The following CD84 variants were observed in gnomAD, a reference collection of about 807,000 sequenced individuals.
The protein encoded by CD84 is CD84 molecule, also known as SLAM family member 5.
CD84 carries 22 observed loss-of-function variants against 33.8 expected under a neutral mutation model. The ratio of observed to expected loss-of-function variants is 0.65; its 90% confidence interval spans 0.46 to 0.93. CD84 has a LOEUF of 0.93. Ranked by LOEUF, CD84 falls within the 40% of genes least tolerant of loss-of-function variation. The pLI is 0.00. For synonymous variants in CD84, 154 were observed against 145.2 expected, an observed-to-expected ratio of 1.06 and a Z score of -0.44; for missense variants, 400 against 397.6, an observed-to-expected ratio of 1.01 and a Z score of -0.05.
Position 160,549,980 on chromosome 1 carries a change from C to G in CD84, c.859-1G>C. ...CTGGCTCTTCCTTGGAGGGAAGCAC[C>G]TGTAAAACACACATCTTCCCCTCAG... On this transcript the variant is annotated splice_acceptor_variant, in intron 5 of 6. Coordinates refer to ENST00000368054, the MANE Select transcript of CD84 (RefSeq NM_003874.4). LOFTEE classifies it high-confidence loss of function. 6.2e-7 allele frequency: 1 copy of G among 1,606,338 alleles called. No homozygotes were observed. The highest frequency in any genetic ancestry group is 8.5e-7 in the Non-Finnish European group (1 of 1,173,262).
chr1:160,542,668 G>C lies in CD84; in HGVS notation c.*5588C>G, dbSNP rs987164762. 6.6e-6 allele frequency: 1 copy of C among 152,138 alleles called. No homozygotes were observed. Among genetic ancestry groups the C allele is most frequent in the Admixed American group, 6.5e-5 (1 of 15,280 alleles). The allele number at this position is 152,138 out of a possible 1,614,324, so 9.4% of individuals were successfully genotyped here. ...ATCCCAAACCCAGAGACTTGTACAG[G>C]GCTGTTGAGAACTGTCTGGGCAATC... On this transcript the variant is annotated 3_prime_UTR_variant, in exon 7 of 7. Transcript: ENST00000368054.
chr1:160,572,237 C>T (rs1657736864), intron 1 of CD84, among the ~76,000 whole-genome samples: 1 of 152,014 alleles, frequency 6.6e-6, no homozygotes, highest in African/African-American at 2.4e-5. Context: ...GCTTAATACA[C>T]AGTGGACATT....
rs1227465220 is a variant in CD84 at position 160,542,421 on chromosome 1, A to C, written c.*5835T>G. The C allele has an allele frequency of 2.6e-5, 4 of 152,226 alleles. No homozygotes were observed. The highest frequency in any genetic ancestry group is 5.9e-5 in the Non-Finnish European group (4 of 68,038). The allele number at this position is 152,226 out of a possible 1,614,324, so 9.4% of individuals were successfully genotyped here. A position where few individuals can be genotyped will look rare whatever the true frequency, so the allele number is the denominator to read the frequency against. On this transcript the variant is annotated 3_prime_UTR_variant, in exon 7 of 7. Coordinates refer to ENST00000368054, the MANE Select transcript of CD84 (RefSeq NM_003874.4). ...GAGGTCAGAAACAGACCTGTGAGTT[A>C]GATTTTGGACACGCTAAACTTGAGG...
At chr1:160,572,874 A>G (rs1176409965) in intron 1 of CD84, among the ~76,000 whole-genome samples, 1 of 152,180 alleles carries the variant, frequency 6.6e-6, no homozygotes, top group African/African-American at 2.4e-5. Context: ...TATGGCAAAG[A>G]GGGAGCCCAG....
chr1:160,541,392 C>T lies in CD84; in HGVS notation c.*6864G>A, dbSNP rs1338604299. 6.6e-6 allele frequency: 1 copy of T among 152,076 alleles called. No homozygotes were observed. Among genetic ancestry groups the T allele is most frequent in the African/African-American group, 2.4e-5 (1 of 41,410 alleles). 9.4% of individuals were successfully genotyped at this position (152,076 alleles called of 1,614,324 possible). A position where few individuals can be genotyped will look rare whatever the true frequency, so the allele number is the denominator to read the frequency against. On this transcript the variant is annotated 3_prime_UTR_variant, in exon 7 of 7. Transcript: ENST00000368054. ...GGAACTGAGGCACTCAGACACAAAACACAAAATTAGGCACTCAGACAAAAA... is the reference window on the plus strand; with the variant it reads ...GGAACTGAGGCACTCAGACACAAAATACAAAATTAGGCACTCAGACAAAAA...
Position 160,550,038 on chromosome 1 carries a change from T to C in CD84, c.859-59A>G. 3 of 1,161,088 alleles carry C rather than the reference T, an allele frequency of 2.6e-6. No individual in the cohort carries two copies. In the East Asian group the frequency reaches 7.0e-5, roughly 27 times the overall value. 71.9% of individuals were successfully genotyped at this position (1,161,088 alleles called of 1,614,324 possible). A position where few individuals can be genotyped will look rare whatever the true frequency, so the allele number is the denominator to read the frequency against. ...GCCCAGGCCCATCTACAAGTCCCCT[T>C]TCCTAATTCTGCCTCTACCCACCAT... On this transcript the variant is annotated intron_variant, in intron 5 of 6. Transcript: ENST00000368054.
chr1:160,566,670 A>C (rs2102184419), intron 1 of CD84, among the ~76,000 whole-genome samples: 1 of 152,324 alleles, frequency 6.6e-6, no homozygotes, highest in East Asian at 1.9e-4. Context: ...ACCAATGTTG[A>C]TCAGATAACC....
At chr1:160,569,153 T>C (rs775055944) in intron 1 of CD84, among the ~76,000 whole-genome samples, 6 of 152,228 alleles carry the variant, frequency 3.9e-5, no homozygotes, top group Non-Finnish European at 5.9e-5. Flanking sequence ...TATGATGGCG[T>C]TGGTGATGCC....
At chr1:160,572,793 G>T (rs866316205) in intron 1 of CD84, among the ~76,000 whole-genome samples, 4 of 152,154 alleles carry the variant, frequency 2.6e-5, no homozygotes, top group African/African-American at 9.7e-5. Flanking sequence ...AGAAGCAAAG[G>T]CAAGAAAAGG....
intron 1 of CD84, among the ~76,000 whole-genome samples, chr1:160,577,223 T>G (rs746222562): frequency 1.4e-4 from 22 of 152,190 alleles, no homozygotes; most frequent in Non-Finnish European, 2.8e-4. Flanking sequence ...GATTTCTCCC[T>G]GCATCTCTCC....
At chr1:160,548,403 T>C (rs1481971597) in intron 6 of CD84, 82 bp from the exon 7 acceptor site, 80 of 1,420,276 alleles carry the variant, frequency 5.6e-5, no homozygotes, top group Middle Eastern at 1.8e-4. Flanking sequence ...CCAGAGGAGT[T>C]AAGCAAATGG....
In CD84 at chr1:160,565,614, C is replaced by G; in HGVS notation, c.178G>C (p.Val60Leu). ...KIIAWTSKTSVAYVTPGDSET... is the reference protein window; with the variant it reads ...KIIAWTSKTSLAYVTPGDSET... ...GAGTCTCCTGGTGTTACATAAGCAA[C>G]AGATGTTTTAGAAGTCCAAGCAATG... The change falls in exon 2 of 7, where the codon GTT becomes CTT. Residue 60 changes from valine (V) to leucine (L), a missense_variant. By Grantham distance (32) the Val-to-Leu change is conservative. Coordinates refer to ENST00000368054, the MANE Select transcript of CD84 (RefSeq NM_003874.4). 1.2e-6 allele frequency: 2 copies of G among 1,613,970 alleles called. No individual in the cohort carries two copies. The highest frequency in any genetic ancestry group is 1.7e-6 in the Non-Finnish European group (2 of 1,179,898).
Position 160,549,991 on chromosome 1 carries a change from A to C in CD84, c.859-12T>G. On this transcript the variant is annotated splice_polypyrimidine_tract_variant and intron_variant, in intron 5 of 6. Coordinates refer to ENST00000368054, the MANE Select transcript of CD84 (RefSeq NM_003874.4). ...TTGGAGGGAAGCACCTGTAAAACAC[A>C]CATCTTCCCCTCAGTGAGGGAGCCC... The C allele has an allele frequency of 6.3e-7, 1 of 1,594,408 alleles. No individual in the cohort carries two copies. The highest frequency in any genetic ancestry group is 8.6e-7 in the Non-Finnish European group (1 of 1,163,142).
intron 2 of CD84, among the ~76,000 whole-genome samples, chr1:160,554,669 G>A (rs898470674): frequency 8.5e-5 from 13 of 152,316 alleles, no homozygotes; most frequent in South Asian, 2.1e-4. Context: ...GAAGTCGCTC[G>A]TGTCATTGAT....
chr1:160,560,373 C>T (rs1656868798), intron 2 of CD84, among the ~76,000 whole-genome samples: 2 of 152,042 alleles, frequency 1.3e-5, no homozygotes. Flanking sequence ...CATGGAAATT[C>T]AACAATCTGT....
intron 5 of CD84, 51 bp from the exon 6 acceptor site, chr1:160,550,030 A>G (rs754333636): frequency 9.6e-7 from 1 of 1,045,006 alleles, no homozygotes; most frequent in Admixed American, 1.8e-5. Context: ...CCCATCTACA[A>G]GTCCCCTTTC....
intron 4 of CD84, 90 bp downstream of exon 4, chr1:160,553,288 G>C (rs756843007): frequency 1.2e-6 from 2 of 1,605,170 alleles, no homozygotes; most frequent in Non-Finnish European, 1.7e-6. Context: ...CTGGAACAAT[G>C]GGCCTTTCAG....
In CD84 at chr1:160,543,345, C is replaced by T. The variant is rs990765269; in HGVS notation, c.*4911G>A. ...GAATCCACAGGAGGTAAAAAAGGGC[C>T]ACATGGCAGAGTACAAGTGCATGGC... is the stretch of plus-strand genomic sequence containing the variant. On this transcript the variant is annotated 3_prime_UTR_variant, in exon 7 of 7. Coordinates refer to ENST00000368054, the MANE Select transcript of CD84 (RefSeq NM_003874.4). The T allele has an allele frequency of 3.3e-5, 5 of 152,114 alleles. No homozygotes were observed. The East Asian group carries it at 9.6e-4, about 29-fold the overall frequency. 9.4% of individuals were successfully genotyped at this position (152,114 alleles called of 1,614,324 possible). A position where few individuals can be genotyped will look rare whatever the true frequency, so the allele number is the denominator to read the frequency against.
intron 5 of CD84, among the ~76,000 whole-genome samples, 173 bp from the exon 6 acceptor site, chr1:160,550,152 G>T (rs1656106007): frequency 6.6e-6 from 1 of 151,862 alleles, no homozygotes; most frequent in South Asian, 2.1e-4. Context: ...GGATCAGGAA[G>T]GGATAAGGTG....
Sources: gnomAD v4.1 joint callset for allele counts (sites outside exome capture counted in the v4.1 genomes callset) on GRCh38, gnomAD v4.1.1 for gene constraint, MANE v1.5 for transcripts, NCBI Gene and HGNC (gene_info 2026-07-23, HGNC 2026-07-21) for gene names.